CCDC102B: variants seen among roughly 807,000 people sequenced by gnomAD.
CCDC102B encodes the protein coiled-coil domain containing 102B.
CCDC102B carries 75 observed loss-of-function variants against 57.4 expected under a neutral mutation model. The observed-to-expected ratio is 1.31, with a 90% confidence interval of 1.08 to 1.58. The LOEUF (loss-of-function observed/expected upper bound fraction) is 1.58. Among genes scored for constraint, CCDC102B ranks in the 40% most tolerant of loss-of-function variants. The probability of loss-of-function intolerance (pLI) is 0.00; values close to 1 mark genes in which losing one functional copy is unlikely to be tolerated. For synonymous variants in CCDC102B, 206 were observed against 201.9 expected (o/e 1.02, Z -0.17); for missense variants, 636 against 582.6 (o/e 1.09, Z -0.94).
chr18:68,867,029 A>G (rs773556823), intron 4 of CCDC102B: 52 of 272,502 alleles, frequency 1.9e-4, no homozygotes, highest in Non-Finnish European at 3.2e-4. Flanking sequence ...AGCCATGTGA[A>G]GAGCTGACGT....
chr18:68,991,919 T>C (rs188790188), intron 6 of CCDC102B, among the ~76,000 whole-genome samples: 1 of 152,176 alleles, frequency 6.6e-6, no homozygotes, highest in Admixed American at 6.5e-5. Flanking sequence ...ACATGATACA[T>C]GTGAGATACC....
rs551025809 is a variant in CCDC102B at position 68,803,504 on chromosome 18, C to A, written c.-16+5323C>A. On this transcript the variant is annotated intron_variant, in intron 1 of 7. Transcript: ENST00000360242. Reference sequence around the variant, plus strand: ...AGGGTGAAGGATGTAAGATACTTAACCACGAGGAATCTTGGCAGAAGAGAA... The same window carrying A: ...AGGGTGAAGGATGTAAGATACTTAAACACGAGGAATCTTGGCAGAAGAGAA... Among the ~76,000 whole-genome samples the A allele has an allele frequency of 1.6e-3, 244 of 152,234 alleles. 2 individuals are homozygous for A. Among genetic ancestry groups the A allele is most frequent in the African/African-American group, 5.7e-3 (236 of 41,528 alleles).
At chr18:69,039,996 T>C (rs1039623262) in intron 7 of CCDC102B, among the ~76,000 whole-genome samples, 16 of 151,986 alleles carry the variant, frequency 1.1e-4, no homozygotes, top group African/African-American at 3.9e-4. Context: ...AGTTAAATTA[T>C]ATTGCTTAGA....
intron 1 of CCDC102B, among the ~76,000 whole-genome samples, chr18:68,809,616 A>G (rs998224545): frequency 2.6e-5 from 4 of 152,180 alleles, no homozygotes; most frequent in Non-Finnish European, 4.4e-5. Flanking sequence ...ATACATACTC[A>G]TTTCCATGAG....
chr18:68,955,737 A>G (rs2049826900), intron 6 of CCDC102B, among the ~76,000 whole-genome samples: 2 of 152,100 alleles, frequency 1.3e-5, no homozygotes, highest in Non-Finnish European at 1.5e-5. Context: ...TATGTATGAT[A>G]AATTATCTAG....
chr18:68,998,157 A>AT (rs1334985785), intron 6 of CCDC102B, among the ~76,000 whole-genome samples: 160 of 150,536 alleles, frequency 1.1e-3, no homozygotes, highest in African/African-American at 3.5e-3. Flanking sequence ...ATGAGGTTTG[A>AT]TTTTTTTTTA....
intron 6 of CCDC102B, among the ~76,000 whole-genome samples, chr18:68,913,310 C>CTGTGTGTGTGTG (rs57064090): frequency 0.16 from 22,175 of 135,316 alleles, 2,036 homozygotes; most frequent in South Asian, 0.19. Context: ...TGGTTAGTGT[C>CTGTGTGTGTGTG]TGTGTGTGTG....
chr18:68,787,508 C>T (rs1384445808), intron 2 of CCDC102B, among the ~76,000 whole-genome samples: 4 of 150,948 alleles, frequency 2.6e-5, no homozygotes, highest in Admixed American at 2.6e-4. Flanking sequence ...ATTTCAGATC[C>T]TGTTATTTGT....
chr18:68,864,798 G>C (rs1341338877), intron 4 of CCDC102B, among the ~76,000 whole-genome samples: 1 of 151,946 alleles, frequency 6.6e-6, no homozygotes, highest in East Asian at 1.9e-4. Flanking sequence ...AACATTTTCT[G>C]GCTTTACTGC....
At chr18:68,929,088 C>CA (rs1331368014) in intron 6 of CCDC102B, among the ~76,000 whole-genome samples, 2 of 151,886 alleles carry the variant, frequency 1.3e-5, no homozygotes, top group African/African-American at 4.8e-5. Context: ...AGCTAAAAGT[C>CA]AGCAGCCATA....
At chr18:68,774,177 T>C (rs1373624777) in intron 2 of CCDC102B, among the ~76,000 whole-genome samples, 2 of 151,998 alleles carry the variant, frequency 1.3e-5, no homozygotes, top group African/African-American at 4.8e-5. Context: ...AAATGATATT[T>C]TGAGACAACT....
intron 2 of CCDC102B, among the ~76,000 whole-genome samples, chr18:68,733,488 ATATATATATATATATATATTTT>A (rs1263188508): frequency 1.2e-5 from 1 of 85,928 alleles, no homozygotes; most frequent in Admixed American, 1.3e-4. Flanking sequence ...TTATATATAT[ATATATATATATATATATATTTT>A]TTTAACTTAA....
chr18:68,745,755 T>C (rs2033595215), intron 2 of CCDC102B, among the ~76,000 whole-genome samples: 1 of 152,164 alleles, frequency 6.6e-6, no homozygotes, highest in South Asian at 2.1e-4. Context: ...TTTTCCAGAC[T>C]CTAGTAACCA....
At chr18:68,884,374 G>A (rs1464737679) in intron 5 of CCDC102B, among the ~76,000 whole-genome samples, 1 of 151,844 alleles carries the variant, frequency 6.6e-6, no homozygotes, top group Non-Finnish European at 1.5e-5. Flanking sequence ...AACATGGATG[G>A]GCCAGTAGGA....
At chr18:69,005,291 C>T (rs975462236) in intron 6 of CCDC102B, among the ~76,000 whole-genome samples, 4 of 152,002 alleles carry the variant, frequency 2.6e-5, no homozygotes, top group African/African-American at 9.7e-5. Context: ...AAGTTATTTC[C>T]AATTTTTCAT....
chr18:68,772,153 CA>C (rs2144615339), intron 2 of CCDC102B, among the ~76,000 whole-genome samples: 1 of 152,106 alleles, frequency 6.6e-6, no homozygotes, highest in East Asian at 1.9e-4. Flanking sequence ...TTCTCAACCC[CA>C]AATTTGAACA....
chr18:68,830,773 C>T (rs1161560733), intron 1 of CCDC102B, among the ~76,000 whole-genome samples: 3 of 151,660 alleles, frequency 2.0e-5, no homozygotes, highest in Non-Finnish European at 4.4e-5. Context: ...CTTTCTTGAA[C>T]CTGCTTGGCA....
At chr18:69,020,810 A>C (rs1336580629) in intron 7 of CCDC102B, among the ~76,000 whole-genome samples, 2 of 152,324 alleles carry the variant, frequency 1.3e-5, no homozygotes, top group South Asian at 2.1e-4. Flanking sequence ...ACTTGCTACC[A>C]AAAAGAGGTT....
rs2145507221 is a variant in CCDC102B at position 69,054,608 on chromosome 18, T to C, written c.*471T>C. Reference sequence around the variant, plus strand: ...GGTTGTATTAACAAAAATGAATCATTCTAGAGGTGTAACAATACATTTCTT... The same window carrying C: ...GGTTGTATTAACAAAAATGAATCATCCTAGAGGTGTAACAATACATTTCTT... On this transcript the variant is annotated 3_prime_UTR_variant, in exon 8 of 8. Coordinates refer to ENST00000360242, the MANE Select transcript of CCDC102B (RefSeq NM_024781.3). 4.1e-6 allele frequency: 4 copies of C among 983,280 alleles called. No individual in the cohort carries two copies. The highest frequency in any genetic ancestry group is 3.6e-6 in the Non-Finnish European group (3 of 827,932). 60.9% of individuals were successfully genotyped at this position (983,280 alleles called of 1,614,324 possible). A position where few individuals can be genotyped will look rare whatever the true frequency, so the allele number is the denominator to read the frequency against.
Sources: allele counts gnomAD v4.1 joint callset (sites outside exome capture counted in the v4.1 genomes callset), GRCh38; gene constraint gnomAD v4.1.1; transcripts MANE v1.5; gene names NCBI Gene and HGNC (gene_info 2026-07-23, HGNC 2026-07-21).